The following LSAMP variants were observed in gnomAD, a reference collection of about 807,000 sequenced individuals.
LSAMP encodes the protein limbic system-associated membrane protein.
LSAMP carries 7 observed loss-of-function variants against 38.6 expected under a neutral mutation model. The ratio of observed to expected loss-of-function variants is 0.18; its 90% confidence interval spans 0.10 to 0.34. The LOEUF (loss-of-function observed/expected upper bound fraction) is 0.34, where lower values mean the gene tolerates loss of function less well. LSAMP is among the 10% of genes least tolerant of loss of function. LSAMP has a pLI of 1.00. For missense variants in LSAMP, 313 were observed against 420.0 expected, an observed-to-expected ratio of 0.75 and a Z score of 2.23; for synonymous variants, 154 against 166.8, an observed-to-expected ratio of 0.92 and a Z score of 0.59.
intron 3 of LSAMP, among the ~76,000 whole-genome samples, chr3:116,014,756 C>T (rs1415277865): frequency 1.3e-5 from 2 of 152,174 alleles, no homozygotes; most frequent in East Asian, 3.8e-4. Flanking sequence ...CTAATTCTAA[C>T]ATGCTAACTT....
rs532772619 is a variant in LSAMP at position 115,883,208 on chromosome 3, A to G, written c.515-30591T>C. Among the ~76,000 whole-genome samples, 23 of 152,202 alleles carry G rather than the reference A, an allele frequency of 1.5e-4. 1 individual carries two copies. In the South Asian group the frequency reaches 4.6e-3, roughly 30 times the overall value. Reference sequence around the variant, plus strand: ...GGTAGGCCTGGGGAACACATTGATTAAACAGAGGATTTTGTACATTGCCAT... The same window carrying G: ...GGTAGGCCTGGGGAACACATTGATTGAACAGAGGATTTTGTACATTGCCAT... On this transcript the variant is annotated intron_variant, in intron 3 of 6. Coordinates refer to ENST00000490035, the MANE Select transcript of LSAMP (RefSeq NM_002338.5).
At chr3:116,307,788 T>G (rs1204263378) in intron 1 of LSAMP, among the ~76,000 whole-genome samples, 1 of 151,830 alleles carries the variant, frequency 6.6e-6, no homozygotes, top group African/African-American at 2.4e-5. Context: ...AGAAAAAAAT[T>G]TTCACATTAT....
At chr3:116,064,366 A>G (rs1464488764) in intron 2 of LSAMP, among the ~76,000 whole-genome samples, 1 of 152,092 alleles carries the variant, frequency 6.6e-6, no homozygotes, top group African/African-American at 2.4e-5. Flanking sequence ...TCTCTACTAA[A>G]AATACAAGCA....
intron 6 of LSAMP, among the ~76,000 whole-genome samples, chr3:115,813,558 AATT>A (rs1933910592): frequency 6.6e-6 from 1 of 152,172 alleles, no homozygotes; most frequent in Non-Finnish European, 1.5e-5. Context: ...CATCTCTATC[AATT>A]ATTATTTATT....
chr3:115,864,196 G>A (rs1247482956), intron 3 of LSAMP, among the ~76,000 whole-genome samples: 1 of 152,140 alleles, frequency 6.6e-6, no homozygotes, highest in Non-Finnish European at 1.5e-5. Flanking sequence ...TGACTCTGAA[G>A]GTGACAGGTA....
At chr3:116,401,572 G>A (rs1487884857) in intron 1 of LSAMP, among the ~76,000 whole-genome samples, 1 of 152,188 alleles carries the variant, frequency 6.6e-6, no homozygotes, top group African/African-American at 2.4e-5. Context: ...GTGAGCCACT[G>A]CTCCTGGCTG....
intron 1 of LSAMP, among the ~76,000 whole-genome samples, chr3:116,417,092 A>ATT (rs2049060918): frequency 6.6e-6 from 1 of 152,020 alleles, no homozygotes; most frequent in African/African-American, 2.4e-5. Context: ...AATCTCCCAC[A>ATT]TTTTTCTCCA....
chr3:116,125,975 C>T (rs1273620241), intron 1 of LSAMP, among the ~76,000 whole-genome samples: 1 of 152,196 alleles, frequency 6.6e-6, no homozygotes, highest in African/African-American at 2.4e-5. Flanking sequence ...AATCTGGACT[C>T]AGTCTTCATT....
intron 3 of LSAMP, among the ~76,000 whole-genome samples, chr3:115,918,708 T>TG (rs2107519043): frequency 4.4e-5 from 1 of 22,514 alleles, no homozygotes; most frequent in Non-Finnish European, 1.2e-4. Context: ...AAAGAACAGG[T>TG]TTTTTTTTTT....
chr3:116,426,849 T>C (rs545230952), intron 1 of LSAMP, among the ~76,000 whole-genome samples: 1 of 151,702 alleles, frequency 6.6e-6, no homozygotes, highest in Non-Finnish European at 1.5e-5. Flanking sequence ...AAGTAGACTA[T>C]AGTATGGGGG....
At chr3:116,407,472 A>C (rs984716056) in intron 1 of LSAMP, among the ~76,000 whole-genome samples, 5 of 152,048 alleles carry the variant, frequency 3.3e-5, no homozygotes, top group Non-Finnish European at 5.9e-5. Flanking sequence ...ATTCCCCCCT[A>C]TACCCACCAG....
At chr3:116,146,936 A>G (rs1166905060) in intron 1 of LSAMP, among the ~76,000 whole-genome samples, 2 of 152,068 alleles carry the variant, frequency 1.3e-5, no homozygotes, top group African/African-American at 4.8e-5. Context: ...ATAGTTGGTT[A>G]TATTAACCAT....
At chr3:116,344,102 C>A (rs901079742) in intron 1 of LSAMP, among the ~76,000 whole-genome samples, 1 of 152,016 alleles carries the variant, frequency 6.6e-6, no homozygotes, top group Non-Finnish European at 1.5e-5. Flanking sequence ...TAAAAACTTA[C>A]CTGGCTCCTA....
At chr3:116,310,046 A>G (rs562110235) in intron 1 of LSAMP, among the ~76,000 whole-genome samples, 21 of 152,246 alleles carry the variant, frequency 1.4e-4, no homozygotes, top group South Asian at 8.3e-4. Flanking sequence ...TTGATTCCTC[A>G]TAACTCTCAG....
intron 3 of LSAMP, among the ~76,000 whole-genome samples, chr3:115,973,676 G>A (rs546582214): frequency 2.6e-5 from 4 of 152,226 alleles, no homozygotes; most frequent in African/African-American, 9.6e-5. Context: ...GGAGGTTGCA[G>A]TGAGCCGAGA....
intron 3 of LSAMP, among the ~76,000 whole-genome samples, chr3:116,013,505 C>T (rs1180013569): frequency 6.6e-6 from 1 of 152,110 alleles, no homozygotes; most frequent in Non-Finnish European, 1.5e-5. Context: ...TGTCTATATA[C>T]CTGCTACTGA....
In LSAMP at chr3:115,809,055, G is replaced by A. The variant is rs566067436; in HGVS notation, c.*1262C>T. 4.6e-5 allele frequency: 7 copies of A among 152,196 alleles called. No individual in the cohort carries two copies. Among genetic ancestry groups the A allele is most frequent in the Non-Finnish European group, 1.0e-4 (7 of 68,040 alleles). The allele number at this position is 152,196 out of a possible 1,614,324, so 9.4% of individuals were successfully genotyped here. ...GGAGTTGACACTTGGAGACCTTCCT[G>A]TTTCTGGGGATTTACTCAACACATG... On this transcript the variant is annotated 3_prime_UTR_variant, in exon 7 of 7. Transcript: ENST00000490035.
intron 1 of LSAMP, among the ~76,000 whole-genome samples, chr3:116,265,394 C>T (rs187473794): frequency 1.3e-5 from 2 of 152,300 alleles, no homozygotes; most frequent in East Asian, 3.9e-4. Context: ...AGCAGATTTA[C>T]ATCTATCTTT....
chr3:116,396,366 T>C (rs999346697), intron 1 of LSAMP, among the ~76,000 whole-genome samples: 1 of 152,198 alleles, frequency 6.6e-6, no homozygotes, highest in Non-Finnish European at 1.5e-5. Flanking sequence ...TCGCCTCTTT[T>C]TTGTAACTAC....
Sources: allele counts gnomAD v4.1 joint callset (sites outside exome capture counted in the v4.1 genomes callset), GRCh38; gene constraint gnomAD v4.1.1; transcripts MANE v1.5; gene names NCBI Gene and HGNC (gene_info 2026-07-23, HGNC 2026-07-21).